REV1: variants seen among roughly 807,000 people sequenced by gnomAD.
REV1 encodes REV1 DNA directed polymerase.
A neutral mutation model predicts 137.4 loss-of-function variants in REV1; 42 were observed. That is an observed-to-expected ratio of 0.31 (90% CI 0.24 to 0.40). The LOEUF (loss-of-function observed/expected upper bound fraction) is 0.40. Ranked by LOEUF, REV1 falls within the 10% of genes least tolerant of loss-of-function variation. The probability of loss-of-function intolerance (pLI) is 1.00; values close to 1 mark genes in which losing one functional copy is unlikely to be tolerated. For synonymous variants in REV1, 524 were observed against 519.2 expected (o/e 1.01, Z -0.12); for missense variants, 1,282 against 1,490.1 (o/e 0.86, Z 2.30).
intron 8 of REV1, 29 bp downstream of exon 8, chr2:99,434,303 C>T: frequency 6.8e-7 from 1 of 1,475,414 alleles, no homozygotes; most frequent in South Asian, 1.2e-5. Context: ...CACAGGAGCA[C>T]TAAGACTTCA....
intron 17 of REV1, 152 bp from the exon 18 acceptor site, chr2:99,404,829 C>T: frequency 3.0e-6 from 2 of 660,440 alleles, no homozygotes; most frequent in South Asian, 1.8e-5. Context: ...ACCTCCAAAT[C>T]AGCACATTTT....
At position 99,406,321 on chromosome 2, in the gene REV1, C is replaced by T; in HGVS notation, c.2614+4G>A. 6.2e-7 allele frequency: 1 copy of T among 1,607,480 alleles called. No homozygotes were observed. Among genetic ancestry groups the T allele is most frequent in the Non-Finnish European group, 8.5e-7 (1 of 1,176,560 alleles). ...AAAAAAGAACCACATTGATGACCAC[C>T]AACCTTCTTTGTGCTCCTCTTCGGT... is the stretch of plus-strand genomic sequence containing the variant. On this transcript the variant is annotated splice_donor_region_variant and intron_variant, in intron 16 of 22. Transcript: ENST00000258428.
chr2:99,455,512 G>A (rs1683436988), intron 3 of REV1, among the ~76,000 whole-genome samples: 1 of 152,112 alleles, frequency 6.6e-6, no homozygotes. Context: ...AAATTTTTGA[G>A]TACCAACTAG....
intron 1 of REV1, among the ~76,000 whole-genome samples, chr2:99,472,323 T>C (rs1575219431): frequency 1.3e-5 from 2 of 152,338 alleles, no homozygotes; most frequent in South Asian, 2.1e-4. Flanking sequence ...AAATACTGTA[T>C]GATTCTACCT....
intron 1 of REV1, among the ~76,000 whole-genome samples, chr2:99,480,641 TA>T (rs1174786016): frequency 6.6e-6 from 1 of 152,108 alleles, no homozygotes; most frequent in African/African-American, 2.4e-5. Context: ...CAATGACACA[TA>T]ACTAAAAACA....
intron 9 of REV1, among the ~76,000 whole-genome samples, chr2:99,428,201 A>G (rs902476951): frequency 6.6e-6 from 1 of 152,166 alleles, no homozygotes; most frequent in Non-Finnish European, 1.5e-5. Flanking sequence ...AGGACTGGGA[A>G]TATTTCTGGG....
intron 6 of REV1, 106 bp downstream of exon 6, chr2:99,438,495 G>C: frequency 1.3e-6 from 1 of 764,256 alleles, no homozygotes; most frequent in Non-Finnish European, 2.1e-6. Context: ...CATACTTAGA[G>C]ACTTTTATGA....
At chr2:99,443,868 A>G (rs1230948890) in intron 4 of REV1, among the ~76,000 whole-genome samples, 1 of 150,384 alleles carries the variant, frequency 6.6e-6, no homozygotes, top group African/African-American at 2.5e-5. Flanking sequence ...TTTGAGACGG[A>G]GTCTCGCTCT....
chr2:99,442,398 C>A lies in REV1; in HGVS notation c.422G>T (p.Gly141Val). ...LYTKQSSVQKGLSFNPVCRPE... is the reference protein window; with the variant it reads ...LYTKQSSVQKVLSFNPVCRPE... ...TCTGCATACAGGATTAAAGCTGAGACCTTTCTGCACACTGGACTGCTTGGT... is the reference window on the plus strand; with the variant it reads ...TCTGCATACAGGATTAAAGCTGAGAACTTTCTGCACACTGGACTGCTTGGT... Residue 141 changes from glycine (G) to valine (V), a missense_variant, in exon 5 of 23, where the codon GGT (glycine) becomes GTT (valine). Physicochemically the swap from Gly to Val is moderately radical, Grantham distance 109. Around this residue, in one of 7 missense-constraint regions of REV1, gnomAD observed 432 missense variants for 438.0 expected, o/e 0.99. Transcript: ENST00000258428. 2.5e-6 allele frequency: 4 copies of A among 1,613,840 alleles called. No homozygotes were observed. Among genetic ancestry groups the A allele is most frequent in the East Asian group, 2.2e-5 (1 of 44,876 alleles).
rs527568156 is a variant in REV1 at position 99,463,979 on chromosome 2, T to C, written c.54+943A>G. 2.6e-5 allele frequency among the ~76,000 whole-genome samples: 4 copies of C among 152,254 alleles called. No homozygotes were observed. In the East Asian group the frequency reaches 5.8e-4, roughly 22 times the overall value. Reference sequence around the variant, plus strand: ...TCTCCCACATACAGAGGGCTTAAAATGAATTATTTCAGGTAAAAATGAGGC... The same window carrying C: ...TCTCCCACATACAGAGGGCTTAAAACGAATTATTTCAGGTAAAAATGAGGC... On this transcript the variant is annotated intron_variant, in intron 2 of 22. Coordinates refer to ENST00000258428, the MANE Select transcript of REV1 (RefSeq NM_016316.4).
intron 1 of REV1, among the ~76,000 whole-genome samples, chr2:99,480,694 C>CT (rs991088284): frequency 2.0e-5 from 3 of 152,142 alleles, no homozygotes; most frequent in Non-Finnish European, 4.4e-5. Flanking sequence ...TAGTCAAACT[C>CT]TTTTTTTCTG....
chr2:99,418,998 T>TGTAAAATTTTTAACAATAA, intron 11 of REV1, 51 bp from the exon 12 acceptor site: 1 of 1,455,798 alleles, frequency 6.9e-7, no homozygotes, highest in Non-Finnish European at 9.5e-7. Context: ...TTTTTTAAAT[T>TGTAAAATTTTTAACAATAA]TCTCAACAAA....
chr2:99,451,170 G>A (rs1237595707), intron 3 of REV1, among the ~76,000 whole-genome samples: 1 of 152,086 alleles, frequency 6.6e-6, no homozygotes, highest in Non-Finnish European at 1.5e-5. Flanking sequence ...ATTAATATGG[G>A]CACCAAATCC....
intron 22 of REV1, among the ~76,000 whole-genome samples, chr2:99,401,895 A>C (rs1409220235): frequency 7.3e-5 from 11 of 151,652 alleles, no homozygotes; most frequent in African/African-American, 2.2e-4. Context: ...GGGCACCACC[A>C]CCCCCCCAGA....
At chr2:99,480,490 A>C (rs1189809291) in intron 1 of REV1, among the ~76,000 whole-genome samples, 10 of 152,218 alleles carry the variant, frequency 6.6e-5, no homozygotes. Context: ...GTTTTAAGCA[A>C]GTGTAAATTG....
intron 4 of REV1, 88 bp from the exon 5 acceptor site, chr2:99,442,557 T>C (rs1681654434): frequency 5.7e-6 from 7 of 1,224,584 alleles, no homozygotes; most frequent in Non-Finnish European, 7.1e-6. Flanking sequence ...AAAGATACAG[T>C]ATTTCACCAA....
chr2:99,412,257 C>CA (rs1160440580), intron 13 of REV1, among the ~76,000 whole-genome samples: 4,305 of 53,004 alleles, frequency 0.081, 499 homozygotes, highest in Non-Finnish European at 0.11. Context: ...GACTCCATCT[C>CA]AAAAAAAAAA....
At position 99,488,309 on chromosome 2, in the gene REV1, T is replaced by A. The variant is rs908154299; in HGVS notation, c.-11+1508A>T. ...TTATATATTCAAGCACATTATTTTT[T>A]AAAAATTATGTTCTACTTGAGACCT... On this transcript the variant is annotated intron_variant, in intron 1 of 22. Coordinates refer to ENST00000258428, the MANE Select transcript of REV1 (RefSeq NM_016316.4). Among the ~76,000 whole-genome samples, 7 of 119,456 alleles carry A rather than the reference T, an allele frequency of 5.9e-5. 1 individual carries two copies. The highest frequency in any genetic ancestry group is 2.1e-4 in the African/African-American group (7 of 33,420). The allele number at this position is 119,456 out of a possible 152,430, so 78.4% of individuals were successfully genotyped here.
intron 1 of REV1, among the ~76,000 whole-genome samples, chr2:99,480,320 C>T (rs899726376): frequency 5.9e-5 from 9 of 151,992 alleles, no homozygotes; most frequent in African/African-American, 2.2e-4. Flanking sequence ...AAGACTCTGC[C>T]TCATAAAAAA....
Sources: gnomAD v4.1 joint callset for allele counts (sites outside exome capture counted in the v4.1 genomes callset) on GRCh38, gnomAD v4.1.1 for gene constraint, gnomAD v4.1.1 regional missense constraint, MANE v1.5 for transcripts, NCBI Gene and HGNC (gene_info 2026-07-23, HGNC 2026-07-21) for gene names.